Variants in CTNNA2 observed in about 807,000 individuals in gnomAD.
The protein encoded by CTNNA2 is catenin alpha 2.
CTNNA2 carries 42 observed loss-of-function variants against 101.0 expected under a neutral mutation model. The ratio of observed to expected loss-of-function variants is 0.42; its 90% confidence interval spans 0.32 to 0.54. The LOEUF (loss-of-function observed/expected upper bound fraction) is 0.54, where lower values mean the gene tolerates loss of function less well. CTNNA2 is among the 20% of genes least tolerant of loss of function. The pLI is 0.14. For missense variants in CTNNA2, 871 were observed against 1,223.1 expected (o/e 0.71, Z 4.29); for synonymous variants, 450 against 456.4 (o/e 0.99, Z 0.18).
At chr2:79,716,114 T>C (rs1446529753) in intron 2 of CTNNA2, among the ~76,000 whole-genome samples, 2 of 151,974 alleles carry the variant, frequency 1.3e-5, no homozygotes, top group African/African-American at 4.8e-5. Context: ...GTGAACTAAT[T>C]AAGAACAAAA....
chr2:80,565,256 C>T (rs1338580999), intron 12 of CTNNA2, among the ~76,000 whole-genome samples: 1 of 152,076 alleles, frequency 6.6e-6, no homozygotes, highest in African/African-American at 2.4e-5. Flanking sequence ...CATAATGGAA[C>T]ACCATGTTTA....
chr2:79,207,819 A>C (rs1030868400), intron 2 of CTNNA2, among the ~76,000 whole-genome samples: 1 of 152,182 alleles, frequency 6.6e-6, no homozygotes, highest in Non-Finnish European at 1.5e-5. Context: ...GAGGCTGAGG[A>C]AAACATTAGG....
chr2:79,370,297 G>A (rs1294716832), intron 3 of CTNNA2, among the ~76,000 whole-genome samples: 2 of 152,170 alleles, frequency 1.3e-5, no homozygotes, highest in Admixed American at 6.5e-5. Context: ...CAAAGGCAGA[G>A]AAGAAACTTG....
chr2:80,610,038 G>A (rs768173592), intron 17 of CTNNA2, among the ~76,000 whole-genome samples: 1 of 151,752 alleles, frequency 6.6e-6, no homozygotes, highest in Non-Finnish European at 1.5e-5. Flanking sequence ...TGTTGGTAAA[G>A]TTCATAAATC....
At chr2:80,374,974 G>A (rs1333669969) in intron 7 of CTNNA2, among the ~76,000 whole-genome samples, 7 of 152,064 alleles carry the variant, frequency 4.6e-5, no homozygotes, top group Middle Eastern at 3.4e-3. Flanking sequence ...ATGATATATC[G>A]TTTGAAATGG....
At chr2:80,098,648 G>T (rs528969005) in intron 7 of CTNNA2, among the ~76,000 whole-genome samples, 3 of 152,340 alleles carry the variant, frequency 2.0e-5, no homozygotes, top group Non-Finnish European at 4.4e-5. Flanking sequence ...CTGTGGTGGG[G>T]TCCACCCAGT....
intron 7 of CTNNA2, among the ~76,000 whole-genome samples, chr2:79,949,571 C>T (rs898402484): frequency 5.3e-5 from 8 of 151,916 alleles, no homozygotes; most frequent in African/African-American, 1.9e-4. Context: ...GGTTTGACAT[C>T]AGCCTGGGCA....
chr2:80,387,267 C>T (rs1484499946), intron 7 of CTNNA2, among the ~76,000 whole-genome samples: 1 of 150,942 alleles, frequency 6.6e-6, no homozygotes, highest in Non-Finnish European at 1.5e-5. Flanking sequence ...CCAGCCTGGG[C>T]AATAGAGCAA....
chr2:79,213,199 T>C (rs1674199280), intron 2 of CTNNA2, among the ~76,000 whole-genome samples: 1 of 152,198 alleles, frequency 6.6e-6, no homozygotes, highest in Non-Finnish European at 1.5e-5. Flanking sequence ...GCTGCTTTTT[T>C]AGCTATCTTA....
intron 7 of CTNNA2, among the ~76,000 whole-genome samples, chr2:80,002,674 C>T (rs1693033150): frequency 1.3e-5 from 2 of 152,072 alleles, no homozygotes; most frequent in Admixed American, 6.6e-5. Flanking sequence ...TTGCCCAGTG[C>T]TGACACCAAC....
chr2:80,525,577 T>C (rs1182212786), intron 9 of CTNNA2, among the ~76,000 whole-genome samples: 1 of 152,100 alleles, frequency 6.6e-6, no homozygotes, highest in Non-Finnish European at 1.5e-5. Flanking sequence ...CTTTCCAATT[T>C]CCCCCTCACC....
At chr2:79,268,531 G>C (rs1400355426) in intron 2 of CTNNA2, among the ~76,000 whole-genome samples, 2 of 152,136 alleles carry the variant, frequency 1.3e-5, no homozygotes, top group African/African-American at 4.8e-5. Flanking sequence ...AACTCAAGAG[G>C]GGGTGAGGGG....
intron 7 of CTNNA2, among the ~76,000 whole-genome samples, chr2:79,941,559 G>A (rs1472661606): frequency 6.6e-6 from 1 of 152,226 alleles, no homozygotes; most frequent in Non-Finnish European, 1.5e-5. Context: ...TGGGCTAGCA[G>A]TGAGTGCTGG....
chr2:79,874,123 G>C lies in CTNNA2; in HGVS notation c.633G>C (p.Gly211=), dbSNP rs759955695. 6.2e-7 allele frequency: 1 copy of C among 1,614,052 alleles called. No homozygotes were observed. Among genetic ancestry groups the C allele is most frequent in the Non-Finnish European group, 8.5e-7 (1 of 1,180,030 alleles). ...HCRDEMAAAR[G]ALKKNATMLY... ...GGGATGAGATGGCAGCCGCCCGAGG[G>C]GCTCTGAAGAAGAATGCCACAATGC... Residue 211 remains glycine, a synonymous_variant, in exon 6 of 19, where the codon GGG becomes GGC. Transcript: ENST00000402739.
intron 7 of CTNNA2, among the ~76,000 whole-genome samples, chr2:80,078,184 A>G (rs971792212): frequency 5.3e-5 from 8 of 152,200 alleles, no homozygotes; most frequent in African/African-American, 1.9e-4. Context: ...ACAGAGATCA[A>G]AGGTGACTTT....
intron 3 of CTNNA2, among the ~76,000 whole-genome samples, chr2:79,317,026 T>A (rs1471430548): frequency 6.6e-6 from 1 of 152,074 alleles, no homozygotes; most frequent in Admixed American, 6.6e-5. Flanking sequence ...ATGTTACATG[T>A]AGGGTTTCCA....
intron 7 of CTNNA2, among the ~76,000 whole-genome samples, chr2:80,019,799 A>G (rs1019128760): frequency 6.6e-6 from 1 of 152,202 alleles, no homozygotes; most frequent in African/African-American, 2.4e-5. Flanking sequence ...AGACTGTTTC[A>G]TACTTCTGTT....
At chr2:79,345,449 C>G (rs952773565) in intron 3 of CTNNA2, among the ~76,000 whole-genome samples, 3 of 152,046 alleles carry the variant, frequency 2.0e-5, no homozygotes, top group African/African-American at 7.2e-5. Flanking sequence ...ATTCATGGTC[C>G]CACCAAGGAC....
chr2:80,212,615 T>G (rs1005892732), intron 7 of CTNNA2, among the ~76,000 whole-genome samples: 3 of 152,164 alleles, frequency 2.0e-5, no homozygotes, highest in African/African-American at 7.2e-5. Flanking sequence ...CCGGATTCGG[T>G]TTGCCAGTAT....
Sources: allele counts gnomAD v4.1 joint callset (sites outside exome capture counted in the v4.1 genomes callset), GRCh38; gene constraint gnomAD v4.1.1; transcripts MANE v1.5; gene names NCBI Gene and HGNC (gene_info 2026-07-23, HGNC 2026-07-21).